The following FOXJ3 variants were observed in gnomAD, a reference collection of about 807,000 sequenced individuals.
FOXJ3 encodes the protein forkhead box J3, also known as forkhead box protein J3.
A neutral mutation model predicts 76.1 loss-of-function variants in FOXJ3; 22 were observed. The observed-to-expected ratio is 0.29, with a 90% CI of 0.21 to 0.41. The LOEUF (loss-of-function observed/expected upper bound fraction) is 0.41. Ranked by LOEUF, FOXJ3 falls within the 10% of genes least tolerant of loss-of-function variation. FOXJ3 has a pLI of 1.00. For synonymous variants in FOXJ3, 269 were observed against 261.2 expected (o/e 1.03, Z -0.29); for missense variants, 613 against 762.1 (o/e 0.80, Z 2.30).
chr1:42,256,010 A>G (rs1037672038), intron 4 of FOXJ3, among the ~76,000 whole-genome samples: 2 of 152,254 alleles, frequency 1.3e-5, no homozygotes, highest in Admixed American at 6.5e-5. Flanking sequence ...CAACAGAGCG[A>G]GACTTCGTCT....
At chr1:42,220,128 T>A (rs1159215565) in intron 5 of FOXJ3, among the ~76,000 whole-genome samples, 2 of 152,218 alleles carry the variant, frequency 1.3e-5, no homozygotes, top group African/African-American at 4.8e-5. Context: ...ACTACCCATA[T>A]GCAATAGTCA....
At chr1:42,297,601 C>G (rs561231834) in intron 2 of FOXJ3, among the ~76,000 whole-genome samples, 1 of 152,280 alleles carries the variant, frequency 6.6e-6, no homozygotes, top group African/African-American at 2.4e-5. Context: ...TCTTGCATCC[C>G]TGGAATAAAA....
chr1:42,274,005 T>C (rs940782856), intron 3 of FOXJ3, among the ~76,000 whole-genome samples: 31 of 152,290 alleles, frequency 2.0e-4, no homozygotes, highest in African/African-American at 7.5e-4. Flanking sequence ...GTCACCTACC[T>C]GGCATCTGCA....
intron 4 of FOXJ3, among the ~76,000 whole-genome samples, chr1:42,237,490 ATG>A (rs1389603180): frequency 2.0e-5 from 3 of 148,152 alleles, no homozygotes; most frequent in African/African-American, 7.4e-5. Context: ...ATATATATAT[ATG>A]GGCTATTTCT....
chr1:42,199,386 T>A (rs1235613452), intron 6 of FOXJ3, among the ~76,000 whole-genome samples, 156 bp from the exon 7 acceptor site: 1 of 152,198 alleles, frequency 6.6e-6, no homozygotes. Flanking sequence ...ATGGCTAAGT[T>A]CGTGTTCATC....
chr1:42,328,010 A>C (rs1348511338), intron 1 of FOXJ3, among the ~76,000 whole-genome samples: 4 of 152,040 alleles, frequency 2.6e-5, no homozygotes, highest in African/African-American at 4.8e-5. Context: ...AAAAATTCCC[A>C]CCCAGGCCAG....
chr1:42,256,760 C>T (rs1322282438), intron 4 of FOXJ3, among the ~76,000 whole-genome samples: 1 of 152,172 alleles, frequency 6.6e-6, no homozygotes, highest in East Asian at 1.9e-4. Context: ...CCACAGAAAA[C>T]TTGTTTAAGA....
At chr1:42,306,099 T>C (rs1318021875) in intron 2 of FOXJ3, among the ~76,000 whole-genome samples, 1 of 152,182 alleles carries the variant, frequency 6.6e-6, no homozygotes, top group Non-Finnish European at 1.5e-5. Flanking sequence ...CTTGTCTACA[T>C]AAAGCAAACG....
intron 6 of FOXJ3, among the ~76,000 whole-genome samples, chr1:42,202,301 T>C (rs957058305): frequency 6.6e-6 from 1 of 152,214 alleles, no homozygotes; most frequent in Non-Finnish European, 1.5e-5. Flanking sequence ...TTTTAGCTTC[T>C]CCATAAAATA....
At chr1:42,262,517 C>G (rs1651118728) in intron 4 of FOXJ3, among the ~76,000 whole-genome samples, 1 of 152,134 alleles carries the variant, frequency 6.6e-6, no homozygotes, top group Non-Finnish European at 1.5e-5. Context: ...AAATTTACAT[C>G]TATGTCTGAC....
intron 1 of FOXJ3, among the ~76,000 whole-genome samples, chr1:42,324,916 A>G (rs1655739388): frequency 6.6e-6 from 1 of 152,104 alleles, no homozygotes; most frequent in South Asian, 2.1e-4. Flanking sequence ...AGACTACACT[A>G]AATTTTTTTT....
chr1:42,248,967 T>C (rs992060086), intron 4 of FOXJ3, among the ~76,000 whole-genome samples: 4 of 152,098 alleles, frequency 2.6e-5, no homozygotes, highest in Admixed American at 6.6e-5. Flanking sequence ...TGTGTCCTCA[T>C]TGTTCAACTC....
At chr1:42,212,249 A>C (rs1646979192) in intron 5 of FOXJ3, among the ~76,000 whole-genome samples, 1 of 152,230 alleles carries the variant, frequency 6.6e-6, no homozygotes, top group Non-Finnish European at 1.5e-5. Context: ...ACTCCATTTC[A>C]ATAATAACAT....
At chr1:42,195,294 G>A (rs1007271543) in intron 7 of FOXJ3, among the ~76,000 whole-genome samples, 5 of 152,126 alleles carry the variant, frequency 3.3e-5, no homozygotes, top group African/African-American at 1.2e-4. Context: ...CTTCACAGAA[G>A]GAAAGAATTC....
chr1:42,304,143 T>G (rs1396083598), intron 2 of FOXJ3, among the ~76,000 whole-genome samples: 3 of 151,902 alleles, frequency 2.0e-5, no homozygotes, highest in African/African-American at 7.3e-5. Flanking sequence ...ATCAAGAAAG[T>G]AATCTCATTT....
At chr1:42,259,939 C>G (rs1302351952) in intron 4 of FOXJ3, among the ~76,000 whole-genome samples, 3 of 152,154 alleles carry the variant, frequency 2.0e-5, no homozygotes, top group Non-Finnish European at 4.4e-5. Context: ...GTGACAAACT[C>G]TAAAGTCTCC....
At chr1:42,252,168 C>G (rs550899767) in intron 4 of FOXJ3, among the ~76,000 whole-genome samples, 16 of 152,070 alleles carry the variant, frequency 1.1e-4, no homozygotes, top group Non-Finnish European at 1.8e-4. Context: ...CCCTCTTTTC[C>G]TATTGATTGG....
chr1:42,298,780 C>T (rs369765038), intron 2 of FOXJ3, among the ~76,000 whole-genome samples: 3 of 152,134 alleles, frequency 2.0e-5, no homozygotes, highest in Middle Eastern at 3.2e-3. Flanking sequence ...GGGCATTTAA[C>T]GCTATAAACT....
chr1:42,190,081 T>C (rs1646512720), intron 9 of FOXJ3, among the ~76,000 whole-genome samples: 2 of 152,218 alleles, frequency 1.3e-5, no homozygotes, highest in Admixed American at 1.3e-4. Flanking sequence ...TCAGAAATGG[T>C]ATCCTCTGGT....
Sources: allele counts gnomAD v4.1 joint callset (sites outside exome capture counted in the v4.1 genomes callset), GRCh38; gene constraint gnomAD v4.1.1; transcripts MANE v1.5; gene names NCBI Gene and HGNC (gene_info 2026-07-23, HGNC 2026-07-21).